PGAP3: variants seen among roughly 807,000 people sequenced by gnomAD.
PGAP3 encodes post-GPI attachment to proteins phospholipase 3.
PGAP3 carries 31 observed loss-of-function variants against 40.3 expected under a neutral mutation model. The ratio of observed to expected loss-of-function variants is 0.77; its 90% CI spans 0.58 to 1.04. PGAP3 has a LOEUF of 1.04. PGAP3 is among the 50% of genes least tolerant of loss of function. The pLI is 0.00. For synonymous variants in PGAP3, 191 were observed against 184.5 expected (o/e 1.04, Z -0.29); for missense variants, 413 against 423.0 (o/e 0.98, Z 0.21).
chr17:39,686,319 C>T (rs1041348215), intron 1 of PGAP3, among the ~76,000 whole-genome samples: 2 of 151,388 alleles, frequency 1.3e-5, no homozygotes, highest in African/African-American at 2.4e-5. Context: ...TGCAATGGTG[C>T]GATCTCGGTT....
intron 3 of PGAP3, among the ~76,000 whole-genome samples, chr17:39,677,985 C>T (rs1017558057): frequency 6.6e-6 from 1 of 152,146 alleles, no homozygotes; most frequent in Admixed American, 6.5e-5. Context: ...CCATCCTGGG[C>T]TCCTCTGGAG....
At chr17:39,674,098 C>A in intron 4 of PGAP3, 44 bp from the exon 5 acceptor site, 7 of 1,587,014 alleles carry the variant, frequency 4.4e-6, no homozygotes, top group Non-Finnish European at 6.1e-6. Context: ...TGAGGCTTCA[C>A]GGAGAGGACC....
intron 3 of PGAP3, among the ~76,000 whole-genome samples, chr17:39,674,951 G>A (rs948677032): frequency 1.1e-4 from 17 of 152,144 alleles, no homozygotes; most frequent in African/African-American, 1.2e-4. Flanking sequence ...AACCAGTTCC[G>A]GTATAGCCAA....
chr17:39,675,790 T>G (rs1235385822), intron 3 of PGAP3, among the ~76,000 whole-genome samples: 1 of 151,648 alleles, frequency 6.6e-6, no homozygotes, highest in Non-Finnish European at 1.5e-5. Flanking sequence ...GCAGAACTGC[T>G]GCACAGCCAG....
chr17:39,673,370 CCT>C (rs2057334793), intron 6 of PGAP3, 115 bp from the exon 7 acceptor site: 6 of 1,544,274 alleles, frequency 3.9e-6, no homozygotes, highest in South Asian at 2.4e-5. Flanking sequence ...CTCCCAGCCT[CCT>C]CTCTCTCCCA....
chr17:39,673,880 G>C, intron 5 of PGAP3, 113 bp downstream of exon 5: 1 of 1,331,678 alleles, frequency 7.5e-7, no homozygotes, highest in South Asian at 1.3e-5. Context: ...GTTGGGGGTT[G>C]GGGGGCGTAG....
At chr17:39,677,950 A>G (rs952026465) in intron 3 of PGAP3, among the ~76,000 whole-genome samples, 2 of 152,184 alleles carry the variant, frequency 1.3e-5, no homozygotes, top group African/African-American at 2.4e-5. Flanking sequence ...TGGGGGAGGC[A>G]GAATGTTAAA....
chr17:39,683,282 C>G (rs1597824415), intron 3 of PGAP3, among the ~76,000 whole-genome samples: 1 of 152,012 alleles, frequency 6.6e-6, no homozygotes, highest in East Asian at 1.9e-4. Context: ...TGAGACTTCT[C>G]TTTAGAAGCC....
intron 2 of PGAP3, among the ~76,000 whole-genome samples, 154 bp downstream of exon 2, chr17:39,685,768 T>C (rs2057502881): frequency 6.6e-6 from 1 of 152,110 alleles, no homozygotes; most frequent in South Asian, 2.1e-4. Context: ...TCCAATTCTA[T>C]GGAAACCAGC....
chr17:39,686,783 T>C (rs1397512057), intron 1 of PGAP3, among the ~76,000 whole-genome samples: 2 of 152,138 alleles, frequency 1.3e-5, no homozygotes, highest in African/African-American at 2.4e-5. Context: ...AGGGCTCAGA[T>C]GATCTTTCTA....
At chr17:39,686,705 C>T (rs2057539302) in intron 1 of PGAP3, among the ~76,000 whole-genome samples, 4 of 151,906 alleles carry the variant, frequency 2.6e-5, no homozygotes, top group African/African-American at 9.7e-5. Context: ...ACCACAATGT[C>T]TGGCTAATTC....
intron 3 of PGAP3, among the ~76,000 whole-genome samples, chr17:39,680,308 A>C (rs2057423954): frequency 6.6e-6 from 1 of 152,176 alleles, no homozygotes; most frequent in African/African-American, 2.4e-5. Flanking sequence ...TCTAACTCAG[A>C]GCTCATAAGG....
intron 6 of PGAP3, 127 bp from the exon 7 acceptor site, chr17:39,673,382 A>G: frequency 6.5e-7 from 1 of 1,547,580 alleles, no homozygotes; most frequent in African/African-American, 1.4e-5. Context: ...TCTCTCTCCC[A>G]CCTCAAATTC....
At position 39,674,638 on chromosome 17, in the gene PGAP3, G is replaced by A; in HGVS notation, c.474C>T (p.Thr158=). The change falls in exon 4 of 8, where the codon ACC becomes ACT. Residue 158 remains threonine (T), a synonymous_variant. Coordinates refer to ENST00000300658, the MANE Select transcript of PGAP3 (RefSeq NM_033419.5). The part of the protein sequence containing the change: ...NAWFWSTVFH[T]RDTDLTEKMD... ...TCACCTCTGTGAGGTCAGTGTCCCT[G>A]GTGTGGAAAACTGTGGACCAGAACC... The A allele has an allele frequency of 1.3e-6, 2 of 1,551,306 alleles. No homozygotes were observed. Among genetic ancestry groups the A allele is most frequent in the Non-Finnish European group, 1.7e-6 (2 of 1,146,682 alleles).
chr17:39,675,087 G>A (rs1374069874), intron 3 of PGAP3, among the ~76,000 whole-genome samples: 1 of 151,892 alleles, frequency 6.6e-6, no homozygotes, highest in Admixed American at 6.6e-5. Flanking sequence ...GCCTCTGGGG[G>A]CGGGAATGAG....
chr17:39,687,443 G>A (rs952999845), intron 1 of PGAP3, among the ~76,000 whole-genome samples: 3 of 152,100 alleles, frequency 2.0e-5, no homozygotes, highest in Admixed American at 2.0e-4. Context: ...CTTCAAAGCC[G>A]GAACTGACAC....
At chr17:39,674,717 C>A in intron 3 of PGAP3, 38 bp from the exon 4 acceptor site, 1 of 1,528,150 alleles carries the variant, frequency 6.5e-7, no homozygotes, top group Non-Finnish European at 8.9e-7. Context: ...CTGCCCCCCA[C>A]CCTGACCTCA....
chr17:39,675,051 C>CTG (rs2057359258), intron 3 of PGAP3, among the ~76,000 whole-genome samples: 1 of 151,474 alleles, frequency 6.6e-6, no homozygotes, highest in Non-Finnish European at 1.5e-5. Context: ...CCACCCCACC[C>CTG]GGGCCCAGGG....
In PGAP3 at chr17:39,672,565, G is replaced by A. The variant is rs2057320414; in HGVS notation, c.*238C>T. ...TCAGTTCCACCCCAGTTCAGCTCCA[G>A]GAGGTAGAGGGGCTGCCCACTCTCG... On this transcript the variant is annotated 3_prime_UTR_variant, in exon 8 of 8. Transcript: ENST00000300658. 1 of 585,088 alleles carries A rather than the reference G, an allele frequency of 1.7e-6. No individual in the cohort carries two copies. Among genetic ancestry groups the A allele is most frequent in the African/African-American group, 1.9e-5 (1 of 53,488 alleles). The allele number at this position is 585,088 out of a possible 1,614,324, so 36.2% of individuals were successfully genotyped here.
Sources: allele counts gnomAD v4.1 joint callset (sites outside exome capture counted in the v4.1 genomes callset), GRCh38; gene constraint gnomAD v4.1.1; transcripts MANE v1.5; gene names NCBI Gene and HGNC (gene_info 2026-07-23, HGNC 2026-07-21).